The following ANKS1B variants were observed in gnomAD, a reference collection of about 807,000 sequenced individuals.
ANKS1B encodes ankyrin repeat and sterile alpha motif domain containing 1B.
In ANKS1B, 36 loss-of-function variants were observed where a neutral mutation model predicts 148.3. The observed-to-expected ratio is 0.24, with a 90% CI of 0.19 to 0.32. The LOEUF (loss-of-function observed/expected upper bound fraction) is 0.32, where lower values mean the gene tolerates loss of function less well. Ranked by LOEUF, ANKS1B falls within the 10% of genes least tolerant of loss-of-function variation. The pLI, the probability that ANKS1B is intolerant of heterozygous loss-of-function variation, is 1.00. For synonymous variants in ANKS1B, 542 were observed against 560.8 expected (o/e 0.97, Z 0.47); for missense variants, 1,157 against 1,542.6 (o/e 0.75, Z 4.19).
At chr12:99,895,204 C>A (rs1203648331) in intron 1 of ANKS1B, among the ~76,000 whole-genome samples, 1 of 150,106 alleles carries the variant, frequency 6.7e-6, no homozygotes, top group Non-Finnish European at 1.5e-5. Flanking sequence ...CAGTCAAAGA[C>A]CTTAGTAGAA....
At position 98,832,070 on chromosome 12, in the gene ANKS1B, C is replaced by T. The variant is rs1200085942; in HGVS notation, c.2845G>A (p.Asp949Asn). 5.0e-6 allele frequency: 8 copies of T among 1,598,570 alleles called. No homozygotes were observed. Among genetic ancestry groups the T allele is most frequent in the African/African-American group, 4.0e-5 (3 of 74,710 alleles). Residue 949 changes from aspartate (D) to asparagine (N), a missense_variant, in exon 18 of 27, where the codon GAC (aspartate) becomes AAC (asparagine). Transcript: ENST00000683438. ...ILASLGDRLH[D>N]DPPQKPPRSI... is the part of the protein sequence containing the mutation. ...CGAGGGGGCTTCTGTGGGGGATCGT[C>T]GTGCAGCCTGTCTCCCAGAGATGCC...
At chr12:99,287,467 T>C (rs1485185980) in intron 12 of ANKS1B, among the ~76,000 whole-genome samples, 1 of 152,062 alleles carries the variant, frequency 6.6e-6, no homozygotes, top group Non-Finnish European at 1.5e-5. Flanking sequence ...CTGCAAAGAC[T>C]ACAATAAATA....
chr12:99,254,982 T>C (rs888154708), intron 12 of ANKS1B, among the ~76,000 whole-genome samples: 2 of 152,200 alleles, frequency 1.3e-5, no homozygotes, highest in African/African-American at 2.4e-5. Flanking sequence ...ACCTTTTTTA[T>C]TCTGTCTAGT....
chr12:98,892,228 A>C (rs1246621492), intron 17 of ANKS1B, among the ~76,000 whole-genome samples: 1 of 152,222 alleles, frequency 6.6e-6, no homozygotes, highest in East Asian at 1.9e-4. Flanking sequence ...CATTTATTTC[A>C]ATATAAGATT....
At chr12:99,075,590 G>T (rs2047589417) in intron 16 of ANKS1B, among the ~76,000 whole-genome samples, 1 of 152,116 alleles carries the variant, frequency 6.6e-6, no homozygotes, top group Non-Finnish European at 1.5e-5. Flanking sequence ...TTAGGTTTTT[G>T]ACCTTAACAT....
chr12:99,500,147 T>C (rs2096641572), intron 10 of ANKS1B, among the ~76,000 whole-genome samples: 1 of 152,192 alleles, frequency 6.6e-6, no homozygotes, highest in Admixed American at 6.6e-5. Flanking sequence ...ACTCCCTCTC[T>C]CTGTGCATGT....
At chr12:99,508,944 C>A (rs1165616798) in intron 9 of ANKS1B, among the ~76,000 whole-genome samples, 1 of 151,746 alleles carries the variant, frequency 6.6e-6, no homozygotes, top group African/African-American at 2.4e-5. Flanking sequence ...ACCATTTTTC[C>A]AACATGTTCT....
At chr12:98,979,808 C>T (rs903320621) in intron 17 of ANKS1B, among the ~76,000 whole-genome samples, 10 of 152,064 alleles carry the variant, frequency 6.6e-5, no homozygotes, top group Non-Finnish European at 1.2e-4. Flanking sequence ...TGTAGTCACA[C>T]CAAATTTACA....
At chr12:99,576,545 C>A (rs531092660) in intron 9 of ANKS1B, among the ~76,000 whole-genome samples, 74 of 152,214 alleles carry the variant, frequency 4.9e-4, no homozygotes, top group Admixed American at 1.3e-3. Flanking sequence ...TCTTGGACCA[C>A]AGCACAGTAA....
intron 17 of ANKS1B, among the ~76,000 whole-genome samples, chr12:99,007,831 A>G (rs2099937024): frequency 6.6e-6 from 1 of 152,018 alleles, no homozygotes; most frequent in Non-Finnish European, 1.5e-5. Context: ...TCTCTCTAGC[A>G]TACCCTAGCG....
intron 1 of ANKS1B, among the ~76,000 whole-genome samples, chr12:99,900,310 A>G (rs1282615114): frequency 6.6e-6 from 1 of 151,678 alleles, no homozygotes; most frequent in African/African-American, 2.4e-5. Flanking sequence ...GTTCGAGAAC[A>G]GCCTGGCTAC....
intron 10 of ANKS1B, among the ~76,000 whole-genome samples, chr12:99,473,422 G>C (rs568581657): frequency 3.9e-5 from 6 of 152,076 alleles, no homozygotes; most frequent in Non-Finnish European, 7.4e-5. Context: ...ATATCCGTGA[G>C]AGACTTAAAG....
intron 14 of ANKS1B, among the ~76,000 whole-genome samples, chr12:99,193,964 G>T (rs1162132440): frequency 6.6e-6 from 1 of 151,586 alleles, no homozygotes; most frequent in East Asian, 1.9e-4. Flanking sequence ...CCCACACCTA[G>T]CTAATTTTTG....
chr12:99,781,964 T>G, intron 5 of ANKS1B, 58 bp downstream of exon 5: 1 of 1,443,586 alleles, frequency 6.9e-7, no homozygotes, highest in Non-Finnish European at 9.4e-7. Flanking sequence ...CTTTGTCTAT[T>G]CCCAAAATAG....
At chr12:99,183,109 G>A (rs2079335907) in intron 14 of ANKS1B, among the ~76,000 whole-genome samples, 2 of 152,026 alleles carry the variant, frequency 1.3e-5, no homozygotes, top group Non-Finnish European at 2.9e-5. Flanking sequence ...CCACTCTATG[G>A]GTTATTAATT....
intron 8 of ANKS1B, among the ~76,000 whole-genome samples, chr12:99,707,621 G>C (rs1438907697): frequency 1.3e-5 from 2 of 151,946 alleles, no homozygotes; most frequent in Non-Finnish European, 2.9e-5. Context: ...TTTTAATTTA[G>C]AATAAAAGGT....
intron 14 of ANKS1B, among the ~76,000 whole-genome samples, chr12:99,167,905 T>C (rs1455979746): frequency 6.6e-6 from 1 of 152,214 alleles, no homozygotes; most frequent in African/African-American, 2.4e-5. Context: ...AAGACATGGA[T>C]GCATGTCAAA....
At chr12:99,319,242 C>T (rs1201163611) in intron 12 of ANKS1B, among the ~76,000 whole-genome samples, 2 of 152,072 alleles carry the variant, frequency 1.3e-5, no homozygotes, top group Non-Finnish European at 2.9e-5. Flanking sequence ...AACTTTCTGT[C>T]TTGTTGATCT....
chr12:99,311,438 A>C (rs1041439454), intron 12 of ANKS1B, among the ~76,000 whole-genome samples: 2 of 152,178 alleles, frequency 1.3e-5, no homozygotes, highest in South Asian at 2.1e-4. Context: ...ATATATATGA[A>C]GGTATAAAAT....
Sources: gnomAD v4.1 joint callset for allele counts (sites outside exome capture counted in the v4.1 genomes callset) on GRCh38, gnomAD v4.1.1 for gene constraint, MANE v1.5 for transcripts, NCBI Gene and HGNC (gene_info 2026-07-23, HGNC 2026-07-21) for gene names.